Variants in PDLIM5 observed in about 807,000 individuals in gnomAD.
The protein encoded by PDLIM5 is PDZ and LIM domain 5.
Under a neutral mutation model 64.2 loss-of-function variants are expected in PDLIM5, and 34 were observed. That is an observed-to-expected ratio of 0.53 (90% CI 0.40 to 0.71). The LOEUF is 0.71. PDLIM5 is among the 30% of genes least tolerant of loss of function. PDLIM5 has a pLI of 0.00. For synonymous variants in PDLIM5, 253 were observed against 269.1 expected (o/e 0.94, Z 0.59); for missense variants, 683 against 733.6 (o/e 0.93, Z 0.80).
chr4:94,579,950 A>G (rs1735601324), intron 5 of PDLIM5, among the ~76,000 whole-genome samples: 1 of 152,298 alleles, frequency 6.6e-6, no homozygotes, highest in South Asian at 2.1e-4. Flanking sequence ...AAGAACCTTT[A>G]TGATTTTTCT....
At chr4:94,608,735 A>T (rs950842733) in intron 7 of PDLIM5, among the ~76,000 whole-genome samples, 2 of 152,146 alleles carry the variant, frequency 1.3e-5, no homozygotes, top group African/African-American at 4.8e-5. Flanking sequence ...ATTATTCACC[A>T]TTATGTCTCC....
intron 2 of PDLIM5, among the ~76,000 whole-genome samples, chr4:94,465,310 G>C (rs925266333): frequency 6.6e-6 from 1 of 152,062 alleles, no homozygotes; most frequent in African/African-American, 2.4e-5. Flanking sequence ...TTGATCCCTT[G>C]TTACTGTTTG....
At chr4:94,480,629 T>G (rs1407290714) in intron 2 of PDLIM5, among the ~76,000 whole-genome samples, 2 of 152,136 alleles carry the variant, frequency 1.3e-5, no homozygotes, top group East Asian at 1.9e-4. Context: ...GGTGAAACCT[T>G]AGGGAAGATA....
rs1310348771 is a variant in PDLIM5, at chr4:94,564,153, A to G, written c.249-9198A>G. Among the ~76,000 whole-genome samples, 5 of 151,884 alleles carry G rather than the reference A, an allele frequency of 3.3e-5. No homozygotes were observed. In the East Asian group the frequency reaches 7.7e-4, roughly 24 times the overall value. On this transcript the variant is annotated intron_variant, in intron 3 of 12. Transcript: ENST00000317968. Reference sequence around the variant, plus strand: ...TAATTTTTGTATTCTTAATAGAGACAGGGTTTCACCATGTTGGCCAGGGTG... The same window carrying G: ...TAATTTTTGTATTCTTAATAGAGACGGGGTTTCACCATGTTGGCCAGGGTG...
chr4:94,510,523 C>T (rs1728775386), intron 2 of PDLIM5, among the ~76,000 whole-genome samples: 1 of 152,122 alleles, frequency 6.6e-6, no homozygotes, highest in African/African-American at 2.4e-5. Context: ...TACGAAAACG[C>T]AGACCTTTTA....
intron 7 of PDLIM5, among the ~76,000 whole-genome samples, chr4:94,614,615 G>A (rs1738625432): frequency 6.6e-6 from 1 of 152,072 alleles, no homozygotes; most frequent in African/African-American, 2.4e-5. Flanking sequence ...ATCAATTCTG[G>A]ATTTAAGCAT....
chr4:94,627,214 G>A (rs1739770866), intron 8 of PDLIM5, among the ~76,000 whole-genome samples: 1 of 152,154 alleles, frequency 6.6e-6, no homozygotes, highest in Non-Finnish European at 1.5e-5. Flanking sequence ...ACTGGGGTGT[G>A]AAACATGTAA....
chr4:94,512,673 C>CCA (rs1240870472), intron 2 of PDLIM5, among the ~76,000 whole-genome samples: 6 of 150,752 alleles, frequency 4.0e-5, no homozygotes, highest in African/African-American at 7.3e-5. Context: ...ATTTTTTTCT[C>CCA]CTATTCTGTG....
chr4:94,647,954 C>G (rs1741547210), intron 9 of PDLIM5, among the ~76,000 whole-genome samples: 1 of 152,164 alleles, frequency 6.6e-6, no homozygotes, highest in Non-Finnish European at 1.5e-5. Flanking sequence ...CTAGAAAATA[C>G]TTTGAGCTGA....
At chr4:94,575,495 T>G in intron 4 of PDLIM5, 121 bp from the exon 5 acceptor site, 1 of 676,780 alleles carries the variant, frequency 1.5e-6, no homozygotes. Context: ...AAACATGATG[T>G]TTGAGCTGCT....
At chr4:94,625,188 T>G (rs1424807149) in intron 8 of PDLIM5, among the ~76,000 whole-genome samples, 1 of 152,194 alleles carries the variant, frequency 6.6e-6, no homozygotes, top group East Asian at 1.9e-4. Context: ...TATCCTCTGT[T>G]AAAACACCCG....
At chr4:94,621,539 G>A (rs1040928218) in intron 8 of PDLIM5, among the ~76,000 whole-genome samples, 6 of 152,192 alleles carry the variant, frequency 3.9e-5, no homozygotes, top group Admixed American at 3.9e-4. Flanking sequence ...CCGAAGAGAA[G>A]GCACAAAGTA....
intron 9 of PDLIM5, among the ~76,000 whole-genome samples, chr4:94,646,310 C>T (rs1360747871): frequency 6.6e-6 from 1 of 152,046 alleles, no homozygotes; most frequent in Admixed American, 6.6e-5. Context: ...TAACTGGTGT[C>T]ATTATAAGAG....
intron 7 of PDLIM5, chr4:94,610,036 T>C: frequency 1.7e-6 from 1 of 598,740 alleles, no homozygotes; most frequent in Non-Finnish European, 2.9e-6. Context: ...ATTACACTTC[T>C]TACACTTCAC....
intron 7 of PDLIM5, among the ~76,000 whole-genome samples, chr4:94,599,088 T>G (rs2110345656): frequency 6.6e-6 from 1 of 152,308 alleles, no homozygotes; most frequent in African/African-American, 2.4e-5. Context: ...ATTATTTTTC[T>G]AATTAAATGA....
intron 3 of PDLIM5, among the ~76,000 whole-genome samples, chr4:94,532,552 G>A (rs779446975): frequency 6.6e-6 from 1 of 152,152 alleles, no homozygotes; most frequent in African/African-American, 2.4e-5. Flanking sequence ...AAACACTTGC[G>A]CCTGGGTCGT....
intron 3 of PDLIM5, among the ~76,000 whole-genome samples, chr4:94,526,259 T>C (rs1258303472): frequency 1.3e-5 from 2 of 152,210 alleles, no homozygotes; most frequent in African/African-American, 4.8e-5. Flanking sequence ...AAACCAGATG[T>C]TGCCCTGTTT....
chr4:94,660,194 G>A (rs7659399), intron 11 of PDLIM5, among the ~76,000 whole-genome samples: 45,448 of 151,906 alleles, frequency 0.3, 7,119 homozygotes, highest in Non-Finnish European at 0.35. Flanking sequence ...CACCGCGCCC[G>A]GCCAAATTAC....
chr4:94,523,456 A>G (rs1730009564), intron 2 of PDLIM5, among the ~76,000 whole-genome samples: 1 of 152,234 alleles, frequency 6.6e-6, no homozygotes. Flanking sequence ...CTGTTGCACA[A>G]TAAAGAAATG....
Sources: gnomAD v4.1 joint callset for allele counts (sites outside exome capture counted in the v4.1 genomes callset) on GRCh38, gnomAD v4.1.1 for gene constraint, MANE v1.5 for transcripts, NCBI Gene and HGNC (gene_info 2026-07-23, HGNC 2026-07-21) for gene names.